Variants in DNAH2 observed in about 807,000 individuals in gnomAD.
DNAH2 encodes dynein axonemal heavy chain 2, also known as axonemal beta dynein heavy chain 2.
Under a neutral mutation model 523.5 loss-of-function variants are expected in DNAH2, and 323 were observed. That is an observed-to-expected ratio of 0.62 (90% confidence interval 0.56 to 0.68). The LOEUF is 0.68. Among genes scored for constraint, DNAH2 ranks in the 30% least tolerant of loss-of-function variants. DNAH2 has a pLI of 0.00. For missense variants in DNAH2, 4,907 were observed against 5,701.5 expected (o/e 0.86, Z 4.49); for synonymous variants, 2,093 against 2,177.4 (o/e 0.96, Z 1.08).
At chr17:7,825,530 C>T (rs1171598209) in intron 77 of DNAH2, among the ~76,000 whole-genome samples, 1 of 152,188 alleles carries the variant, frequency 6.6e-6, no homozygotes, top group Non-Finnish European at 1.5e-5. Flanking sequence ...CCTGCTTTCC[C>T]CGCTGTCTTT....
At position 7,807,757 on chromosome 17, in the gene DNAH2, G is replaced by C. The variant is rs1249460773; in HGVS notation, c.9729+171G>C. 6.6e-6 allele frequency among the ~76,000 whole-genome samples: 1 copy of C among 152,040 alleles called. No homozygotes were observed. The highest frequency in any genetic ancestry group is 1.5e-5 in the Non-Finnish European group (1 of 68,018). On this transcript the variant is annotated intron_variant, in intron 63 of 85. Coordinates refer to ENST00000572933, the MANE Select transcript of DNAH2 (RefSeq NM_020877.5). The surrounding 1 kb of genome is among the most constrained non-coding windows in gnomAD (Gnocchi z 5.6). ...CCCTGTTTAGACTGGGCTGCCTCTG[G>C]CTCAGAAAGCTAAGTCAATTGCAGA...
At position 7,759,960 on chromosome 17, in the gene DNAH2, C is replaced by T. The variant is rs780668349; in HGVS notation, c.2785+22C>T. 5 of 1,613,994 alleles carry T rather than the reference C, an allele frequency of 3.1e-6. No individual in the cohort carries two copies. The African/African-American group carries it at 5.3e-5, about 17-fold the overall frequency. On this transcript the variant is annotated intron_variant, in intron 17 of 85. Transcript: ENST00000572933. Reference sequence around the variant, plus strand: ...GTGGGTGAGTGGGCAACGGGGAGGGCACAAGGCACAGGGTTTCAGAGGCTG... The same window carrying T: ...GTGGGTGAGTGGGCAACGGGGAGGGTACAAGGCACAGGGTTTCAGAGGCTG...
chr17:7,743,009 ATTGATGAG>A lies in DNAH2; in HGVS notation c.1772_1779del (p.Ile591ThrfsTer41). The A allele has an allele frequency of 6.6e-7, 1 of 1,522,952 alleles. No individual in the cohort carries two copies. 94.3% of individuals were successfully genotyped at this position (1,522,952 alleles called of 1,614,324 possible). A position where few individuals can be genotyped will look rare whatever the true frequency, so the allele number is the denominator to read the frequency against. ...CACCTATCAGCAGATGGTCCAGGCC[ATTGATGAG>A]CTGGTTCGAAAAACCTTCCAAGAGT... is the stretch of plus-strand genomic sequence containing the variant. On this transcript the variant is annotated frameshift_variant, in exon 12 of 86. Coordinates refer to ENST00000572933, the MANE Select transcript of DNAH2 (RefSeq NM_020877.5). LOFTEE classifies it high-confidence loss of function.
chr17:7,734,860 T>G (rs1221605331), intron 7 of DNAH2, 152 bp downstream of exon 7: 1 of 719,196 alleles, frequency 1.4e-6, no homozygotes, highest in Non-Finnish European at 2.3e-6. Context: ...CAGGAGAGTA[T>G]AAAATAGTAG....
intron 14 of DNAH2, 98 bp from the exon 15 acceptor site, chr17:7,758,786 TG>T: frequency 1.3e-6 from 2 of 1,566,102 alleles, no homozygotes; most frequent in Non-Finnish European, 1.7e-6. Context: ...CTTTTTTGTG[TG>T]TCATCCAGTC....
intron 48 of DNAH2, among the ~76,000 whole-genome samples, chr17:7,793,892 C>T (rs2076991100): frequency 6.6e-6 from 1 of 151,676 alleles, no homozygotes; most frequent in South Asian, 2.1e-4. Flanking sequence ...TACACACACA[C>T]GTGTATAGAT....
rs184362321 is a variant in DNAH2, at chr17:7,821,390, A to G, written c.11142+21A>G. On this transcript the variant is annotated intron_variant, in intron 73 of 85. Transcript: ENST00000572933. The surrounding 1 kb of genome is among the most constrained non-coding windows in gnomAD (Gnocchi z 5.0). ...GTGTGGTGAGTTGGGCAGAGAGCAC[A>G]TCCCAGGATGGGATGGTCAAGGTTG... 6.2e-5 allele frequency: 100 copies of G among 1,607,878 alleles called. 1 individual carries two copies. In the East Asian group the frequency reaches 2.1e-3, roughly 33 times the overall value.
chr17:7,724,802 G>T (rs1394723641), intron 3 of DNAH2, among the ~76,000 whole-genome samples: 1 of 145,298 alleles, frequency 6.9e-6, no homozygotes, highest in Non-Finnish European at 1.5e-5. Context: ...GAGTGCAGTG[G>T]CATGATCTTG....
rs778414126 is a variant in DNAH2 at position 7,786,859 on chromosome 17, C to T, written c.6467-38C>T. The T allele has an allele frequency of 2.5e-6, 4 of 1,613,224 alleles. No homozygotes were observed. The highest frequency in any genetic ancestry group is 2.2e-5 in the East Asian group (1 of 44,862). ...GCGTGAGCGGAGGGTGCAAGGTGAG[C>T]GGCTCCCCGGTTTCCTCATCACCCA... On this transcript the variant is annotated intron_variant, in intron 41 of 85. Coordinates refer to ENST00000572933, the MANE Select transcript of DNAH2 (RefSeq NM_020877.5). The surrounding 1 kb of genome is among the most constrained non-coding windows in gnomAD (Gnocchi z 7.5).
At position 7,783,587 on chromosome 17, in the gene DNAH2, C is replaced by T. The variant is rs2076658984; in HGVS notation, c.6129+2420C>T. The stretch of plus-strand genomic sequence containing the variant: ...CCTGTAATCCTAGCACTTTGGGAGG[C>T]ATAAGCAGGTGGATTGCTTGAGGTG... On this transcript the variant is annotated intron_variant, in intron 39 of 85. Transcript: ENST00000572933. Among the ~76,000 whole-genome samples the T allele has an allele frequency of 2.0e-5, 3 of 152,088 alleles. No individual in the cohort carries two copies. In the South Asian group the frequency reaches 6.2e-4, roughly 32 times the overall value.
At chr17:7,742,453 AAC>A in intron 11 of DNAH2, among the ~76,000 whole-genome samples, 1 of 152,226 alleles carries the variant, frequency 6.6e-6, no homozygotes, top group South Asian at 2.1e-4. Context: ...CAAACAAATG[AAC>A]ACACACACCC....
Position 7,734,281 on chromosome 17 carries a change from C to A in DNAH2, c.727C>A (p.Gln243Lys). The part of the protein sequence containing the change: ...EMVIKDKELV[Q>K]RLETSMIHWT... Reference sequence around the variant, plus strand: ...GGTGATAAAGGACAAAGAGCTGGTGCAACGGCTAGAGAGTGAGTGGCTGGC... The same window carrying A: ...GGTGATAAAGGACAAAGAGCTGGTGAAACGGCTAGAGAGTGAGTGGCTGGC... Residue 243 changes from glutamine to lysine, a missense_variant, in exon 6 of 86, where the codon CAA becomes AAA. Transcript: ENST00000572933. 1 of 1,607,188 alleles carries A rather than the reference C, an allele frequency of 6.2e-7. No individual in the cohort carries two copies. Among genetic ancestry groups the A allele is most frequent in the Non-Finnish European group, 8.5e-7 (1 of 1,176,624 alleles).
intron 8 of DNAH2, among the ~76,000 whole-genome samples, chr17:7,737,707 A>G (rs910642670): frequency 6.6e-6 from 1 of 152,164 alleles, no homozygotes; most frequent in East Asian, 1.9e-4. Flanking sequence ...GAGAAGGGAC[A>G]CTGAGCTGAG....
intron 19 of DNAH2, 28 bp from the exon 20 acceptor site, chr17:7,764,089 C>T (rs754285768): frequency 3.7e-6 from 6 of 1,614,220 alleles, no homozygotes; most frequent in Non-Finnish European, 4.2e-6. Flanking sequence ...GCCTTCCACT[C>T]ACTAGCACTC....
rs1419783686 is a variant in DNAH2 at position 7,759,615 on chromosome 17, GA to G, written c.2637+7del. On this transcript the variant is annotated splice_donor_region_variant and intron_variant, in intron 16 of 85. Coordinates refer to ENST00000572933, the MANE Select transcript of DNAH2 (RefSeq NM_020877.5). ...CTGCAAGGAAGTGTGGCACAGGTAA[GA>G]ACCACTTTGCCCCCAACATCTCAAA... 6.2e-7 allele frequency: 1 copy of G among 1,612,234 alleles called. No individual in the cohort carries two copies. Among genetic ancestry groups the G allele is most frequent in the South Asian group, 1.1e-5 (1 of 90,910 alleles).
At chr17:7,765,051 A>G (rs918954491) in intron 20 of DNAH2, among the ~76,000 whole-genome samples, 1 of 151,270 alleles carries the variant, frequency 6.6e-6, no homozygotes, top group Non-Finnish European at 1.5e-5. Flanking sequence ...GAGCCACCAC[A>G]CCCGGCCAGG....
chr17:7,782,604 A>T (rs1199197055), intron 39 of DNAH2, among the ~76,000 whole-genome samples: 1 of 152,180 alleles, frequency 6.6e-6, no homozygotes, highest in African/African-American at 2.4e-5. Context: ...GGAAACAAGA[A>T]ACCATGAATG....
rs1794365838 is a variant in DNAH2 at position 7,759,118 on chromosome 17, T to A, written c.2442T>A (p.Gly814=). The A allele has an allele frequency of 1.9e-6, 3 of 1,613,988 alleles. No homozygotes were observed. Among genetic ancestry groups the A allele is most frequent in the Non-Finnish European group, 1.7e-6 (2 of 1,179,982 alleles). The change falls in exon 15 of 86, where the codon GGT becomes GGA. Residue 814 remains glycine (G), a synonymous_variant. Transcript: ENST00000572933. ...TNSYEVFKND[G]PEIQQQWMLY... The stretch of plus-strand genomic sequence containing the variant: ...CCTATGAGGTCTTCAAGAATGATGG[T>A]CCTGAGGTAGGGTTCCTGTGGCCAG...
chr17:7,760,018 G>A lies in DNAH2; in HGVS notation c.2785+80G>A, dbSNP rs967143120. 8.1e-6 allele frequency: 13 copies of A among 1,596,216 alleles called. No individual in the cohort carries two copies. Among genetic ancestry groups the A allele is most frequent in the African/African-American group, 1.3e-5 (1 of 74,620 alleles). ...GGCCAGGCCAGGAGGAGAGACCAGG[G>A]CTATTTCCAGGCATACTGGGCCAGT... is the stretch of plus-strand genomic sequence containing the variant. On this transcript the variant is annotated intron_variant, in intron 17 of 85. Transcript: ENST00000572933. The surrounding 1 kb of genome is among the most constrained non-coding windows in gnomAD (Gnocchi z 4.0).
Sources: allele counts gnomAD v4.1 joint callset (sites outside exome capture counted in the v4.1 genomes callset), GRCh38; gene constraint gnomAD v4.1.1; non-coding constraint Gnocchi (gnomAD v3.1); transcripts MANE v1.5; gene names NCBI Gene and HGNC (gene_info 2026-07-23, HGNC 2026-07-21).